FEZ2: variants seen among roughly 807,000 people sequenced by gnomAD.
FEZ2 encodes the protein fasciculation and elongation protein zeta 2.
A neutral mutation model predicts 40.4 loss-of-function variants in FEZ2; 51 were observed. The ratio of observed to expected loss-of-function variants is 1.26; its 90% CI spans 1.01 to 1.59. The LOEUF is 1.59. FEZ2 is among the 40% of genes most tolerant of loss of function. The pLI is 0.00. For synonymous variants in FEZ2, 242 were observed against 172.0 expected (o/e 1.41, Z -3.18); for missense variants, 640 against 438.3 (o/e 1.46, Z -4.11).
intron 2 of FEZ2, among the ~76,000 whole-genome samples, chr2:36,588,232 T>C (rs1668961191): frequency 6.6e-6 from 1 of 152,096 alleles, no homozygotes; most frequent in Non-Finnish European, 1.5e-5. Context: ...TTCACCGTGT[T>C]GGTAAGGCTG....
intron 5 of FEZ2, among the ~76,000 whole-genome samples, chr2:36,575,140 T>C (rs183990564): frequency 2.8e-4 from 42 of 152,350 alleles, no homozygotes; most frequent in Admixed American, 1.9e-3. Context: ...CATTAGACTA[T>C]AAGCTCCAGG....
At chr2:36,590,880 T>C (rs1397070951) in intron 2 of FEZ2, 23 bp downstream of exon 2, 5 of 1,277,174 alleles carry the variant, frequency 3.9e-6, no homozygotes, top group Non-Finnish European at 5.7e-6. Context: ...ATTCAAACAC[T>C]ATTGGTTCAA....
intron 7 of FEZ2, chr2:36,554,187 C>T: frequency 2.1e-6 from 1 of 471,066 alleles, no homozygotes; most frequent in South Asian, 1.5e-5. Context: ...AGCCAGCGGC[C>T]CGAGCATGAG....
At chr2:36,575,082 A>G (rs550413896) in intron 5 of FEZ2, among the ~76,000 whole-genome samples, 1 of 152,250 alleles carries the variant, frequency 6.6e-6, no homozygotes, top group Admixed American at 6.5e-5. Flanking sequence ...TTTACTACTA[A>G]AATTCCATCA....
intron 2 of FEZ2, among the ~76,000 whole-genome samples, chr2:36,589,054 C>G (rs942969151): frequency 6.6e-6 from 1 of 152,212 alleles, no homozygotes; most frequent in Non-Finnish European, 1.5e-5. Flanking sequence ...ATCACGATCT[C>G]TGGCCCTACA....
At chr2:36,563,870 C>T (rs1196114658) in intron 5 of FEZ2, among the ~76,000 whole-genome samples, 3 of 152,208 alleles carry the variant, frequency 2.0e-5, no homozygotes, top group Non-Finnish European at 4.4e-5. Flanking sequence ...ATTTCCCTCA[C>T]CCCAACCCTC....
chr2:36,558,578 T>C (rs1333034283), intron 5 of FEZ2, 65 bp from the exon 6 acceptor site: 2 of 880,764 alleles, frequency 2.3e-6, no homozygotes, highest in East Asian at 5.4e-5. Flanking sequence ...AAAAATTTGA[T>C]ACTGTTACTA....
intron 5 of FEZ2, among the ~76,000 whole-genome samples, chr2:36,571,757 G>A (rs1668418346): frequency 6.6e-6 from 1 of 151,886 alleles, no homozygotes. Flanking sequence ...TGTAATCCCA[G>A]CACTTTGGGA....
chr2:36,573,618 GT>G (rs1484581769), intron 5 of FEZ2, among the ~76,000 whole-genome samples: 3 of 152,362 alleles, frequency 2.0e-5, no homozygotes, highest in Admixed American at 2.0e-4. Context: ...GGAAAGCAGT[GT>G]GAATGAGCCT....
intron 5 of FEZ2, 143 bp downstream of exon 5, chr2:36,578,454 A>G: frequency 1.1e-6 from 1 of 884,124 alleles, no homozygotes; most frequent in Non-Finnish European, 1.8e-6. Flanking sequence ...GGTATTCTGG[A>G]ATAAAATCCC....
intron 5 of FEZ2, among the ~76,000 whole-genome samples, chr2:36,560,163 A>G (rs1668055092): frequency 1.3e-5 from 2 of 152,232 alleles, no homozygotes; most frequent in South Asian, 4.1e-4. Flanking sequence ...TCCTTCAATC[A>G]TTATACAAAA....
chr2:36,596,544 C>T (rs766557289), intron 1 of FEZ2, among the ~76,000 whole-genome samples: 1 of 152,234 alleles, frequency 6.6e-6, no homozygotes, highest in Non-Finnish European at 1.5e-5. Flanking sequence ...GCAACCTTCG[C>T]CTCCAGGACT....
rs1669056036 is a variant in FEZ2 at position 36,590,991 on chromosome 2, T to C, written c.287A>G (p.Asp96Gly). ...TACAGGCATCACATTCCCATAATTATCTGTCAGGGCATTCCAAATCCTTAA... is the reference window on the plus strand; with the variant it reads ...TACAGGCATCACATTCCCATAATTACCTGTCAGGGCATTCCAAATCCTTAA... ...QGDEIWNALTDNYGNVMPVDW... is the reference protein window; with the variant it reads ...QGDEIWNALTGNYGNVMPVDW... The change falls in exon 2 of 8, where the codon GAT becomes GGT. Residue 96 changes from aspartate (D) to glycine (G), a missense_variant. Asp to Gly is a moderately conservative substitution (Grantham distance 94). Transcript: ENST00000405912. 6.2e-7 allele frequency: 1 copy of C among 1,608,016 alleles called. No homozygotes were observed.
At chr2:36,560,703 A>C in intron 5 of FEZ2, 2 of 796,544 alleles carry the variant, frequency 2.5e-6, no homozygotes, top group Admixed American at 4.8e-5. Context: ...TTAGTAAATT[A>C]GTAAACTACC....
intron 2 of FEZ2, chr2:36,589,491 T>C (rs964001156): frequency 1.4e-4 from 22 of 152,172 alleles, no homozygotes; most frequent in Non-Finnish European, 1.8e-4. Flanking sequence ...CCCTTCCAAC[T>C]CTAAAATTGT....
rs897477820 is a variant in FEZ2, at chr2:36,552,276, T to C, written c.*887A>G. The C allele has an allele frequency of 7.8e-5, 35 of 447,594 alleles. No individual in the cohort carries two copies. Among genetic ancestry groups the C allele is most frequent in the South Asian group, 4.1e-4 (25 of 60,358 alleles). The allele number at this position is 447,594 out of a possible 1,614,324, so 27.7% of individuals were successfully genotyped here. ...ACATGTATTTTTACTTCTTAAAAAA[T>C]TTATTAAATGCCATTGATTTGACTG... On this transcript the variant is annotated 3_prime_UTR_variant, in exon 8 of 8. Coordinates refer to ENST00000405912, the MANE Select transcript of FEZ2 (RefSeq NM_005102.3).
In FEZ2 at chr2:36,583,441, G is replaced by A; in HGVS notation, c.404C>T (p.Ser135Leu). ...CTGTTCTCTCAGCTCTTCATCATCTGATGTATCAAAGAGCAAACTGTCACT... is the reference window on the plus strand; with the variant it reads ...CTGTTCTCTCAGCTCTTCATCATCTAATGTATCAAAGAGCAAACTGTCACT... ...GVSDSLLFDT[S>L]DDEELREQLD... The change falls in exon 3 of 8, where the codon TCA becomes TTA. Residue 135 changes from serine to leucine, a missense_variant. By Grantham distance (145) the Ser-to-Leu change is moderately radical. Coordinates refer to ENST00000405912, the MANE Select transcript of FEZ2 (RefSeq NM_005102.3). The A allele has an allele frequency of 6.2e-7, 1 of 1,603,140 alleles. No individual in the cohort carries two copies. The highest frequency in any genetic ancestry group is 8.5e-7 in the Non-Finnish European group (1 of 1,170,120).
At chr2:36,579,038 A>G in intron 4 of FEZ2, 173 bp from the exon 5 acceptor site, 2 of 600,850 alleles carry the variant, frequency 3.3e-6, no homozygotes, top group Non-Finnish European at 5.8e-6. Flanking sequence ...GAATTCTACA[A>G]CTTCTGGAGA....
chr2:36,593,664 C>T (rs1052092330), intron 1 of FEZ2, among the ~76,000 whole-genome samples: 1 of 152,026 alleles, frequency 6.6e-6, no homozygotes, highest in Non-Finnish European at 1.5e-5. Flanking sequence ...AGACCCTAGG[C>T]CCAGCTCACG....
Sources: gnomAD v4.1 joint callset for allele counts (sites outside exome capture counted in the v4.1 genomes callset) on GRCh38, gnomAD v4.1.1 for gene constraint, MANE v1.5 for transcripts, NCBI Gene and HGNC (gene_info 2026-07-23, HGNC 2026-07-21) for gene names.